Variants in SLC25A21 observed in about 807,000 individuals in gnomAD.
SLC25A21 encodes mitochondrial 2-oxodicarboxylate carrier.
In SLC25A21, 47 loss-of-function variants were observed where a neutral mutation model predicts 43.8. The ratio of observed to expected loss-of-function variants is 1.07; its 90% CI spans 0.85 to 1.37. The LOEUF (loss-of-function observed/expected upper bound fraction) is 1.37, where lower values mean the gene tolerates loss of function less well. Among genes scored for constraint, SLC25A21 ranks in the 40% most tolerant of loss-of-function variants. The pLI, the probability that SLC25A21 is intolerant of heterozygous loss-of-function variation, is 0.00. For missense variants in SLC25A21, 352 were observed against 350.2 expected (o/e 1.00, Z -0.04); for synonymous variants, 131 against 121.3 (o/e 1.08, Z -0.52).
intron 1 of SLC25A21, among the ~76,000 whole-genome samples, chr14:37,163,824 T>C (rs1027434144): frequency 1.3e-5 from 2 of 152,180 alleles, no homozygotes; most frequent in South Asian, 2.1e-4. Context: ...TACAGTATTG[T>C]TGTAAGTATT....
intron 1 of SLC25A21, among the ~76,000 whole-genome samples, chr14:37,055,968 G>T (rs1259849074): frequency 1.1e-4 from 16 of 152,030 alleles, no homozygotes; most frequent in Admixed American, 1.0e-3. Flanking sequence ...CATCAGGGTG[G>T]TTTTTAAAGG....
At chr14:37,052,275 T>C (rs1961724365) in intron 1 of SLC25A21, among the ~76,000 whole-genome samples, 1 of 152,160 alleles carries the variant, frequency 6.6e-6, no homozygotes. Context: ...GAGACAGTTA[T>C]AGAAGATTGA....
chr14:36,761,736 C>T (rs889084379), intron 3 of SLC25A21, among the ~76,000 whole-genome samples: 1 of 151,504 alleles, frequency 6.6e-6, no homozygotes, highest in South Asian at 2.1e-4. Flanking sequence ...TGGACTATTA[C>T]AGTATTTAGG....
At chr14:36,915,050 C>T (rs1338563742) in intron 1 of SLC25A21, among the ~76,000 whole-genome samples, 1 of 151,680 alleles carries the variant, frequency 6.6e-6, no homozygotes, top group Non-Finnish European at 1.5e-5. Context: ...TAAAAATGAT[C>T]ACAATGATGC....
At chr14:36,788,587 T>A (rs1853812) in intron 3 of SLC25A21, 23,729 of 146,916 alleles carry the variant, frequency 0.16, 2,161 homozygotes, top group Middle Eastern at 0.25. Flanking sequence ...TAGATCTGTG[T>A]GTGTTGAAAA....
intron 2 of SLC25A21, among the ~76,000 whole-genome samples, chr14:36,855,359 C>T (rs915684129): frequency 6.6e-6 from 1 of 152,082 alleles, no homozygotes; most frequent in Admixed American, 6.5e-5. Context: ...AAGTGGGAGG[C>T]AGCCTCAGGG....
intron 1 of SLC25A21, among the ~76,000 whole-genome samples, chr14:37,145,315 G>A (rs1187380745): frequency 6.6e-6 from 1 of 151,760 alleles, no homozygotes; most frequent in Non-Finnish European, 1.5e-5. Context: ...GCCCAGGCTG[G>A]AGTCAAACTC....
chr14:37,048,570 C>T (rs1378806052), intron 1 of SLC25A21, among the ~76,000 whole-genome samples: 5 of 152,162 alleles, frequency 3.3e-5, no homozygotes, highest in African/African-American at 1.2e-4. Flanking sequence ...ATGTAACTTG[C>T]CTATAACCTT....
intron 1 of SLC25A21, among the ~76,000 whole-genome samples, chr14:37,023,800 T>C (rs1961036848): frequency 1.3e-5 from 2 of 152,014 alleles, no homozygotes; most frequent in African/African-American, 4.8e-5. Flanking sequence ...CCCACCGCCA[T>C]CTGCCTCTCT....
chr14:36,821,926 C>T (rs989675428), intron 2 of SLC25A21, among the ~76,000 whole-genome samples: 2 of 152,134 alleles, frequency 1.3e-5, no homozygotes, highest in African/African-American at 2.4e-5. Flanking sequence ...GGCCTCTAAT[C>T]ATGTTCGAAG....
chr14:37,057,619 A>C (rs928258631), intron 1 of SLC25A21, among the ~76,000 whole-genome samples: 4 of 152,246 alleles, frequency 2.6e-5, no homozygotes, highest in Non-Finnish European at 5.9e-5. Flanking sequence ...TCTACTGAAT[A>C]TGTACAACTG....
At chr14:37,051,051 A>G (rs893279405) in intron 1 of SLC25A21, among the ~76,000 whole-genome samples, 2 of 152,206 alleles carry the variant, frequency 1.3e-5, no homozygotes, top group Non-Finnish European at 2.9e-5. Flanking sequence ...CCTTAGTGCT[A>G]TCTTAAATGA....
chr14:36,872,388 C>T (rs995291029), intron 2 of SLC25A21, among the ~76,000 whole-genome samples: 18 of 152,136 alleles, frequency 1.2e-4, no homozygotes, highest in African/African-American at 3.9e-4. Context: ...ATGATCAATA[C>T]TATTCCCTGG....
rs1235277329 is a variant in SLC25A21 at position 36,725,654 on chromosome 14, T to C, written c.354A>G (p.Gly118=). The C allele has an allele frequency of 6.3e-7, 1 of 1,597,312 alleles. No individual in the cohort carries two copies. Among genetic ancestry groups the C allele is most frequent in the East Asian group, 2.3e-5 (1 of 43,942 alleles). Reference sequence around the variant, plus strand: ...CTACAATGGCTTCTGTTAGTCCAGATCCCAATCCAGCAATGGCGAATGTCT... The same window carrying C: ...CTACAATGGCTTCTGTTAGTCCAGACCCCAATCCAGCAATGGCGAATGTCT... ...PALTFAIAGL[G]SGLTEAIVVN... Residue 118 remains glycine (G), a synonymous_variant, in exon 6 of 10, where the codon GGA becomes GGG. Transcript: ENST00000331299.
intron 9 of SLC25A21, among the ~76,000 whole-genome samples, chr14:36,682,990 G>A (rs1882351967): frequency 2.0e-5 from 3 of 152,150 alleles, no homozygotes; most frequent in South Asian, 2.1e-4. Flanking sequence ...GGACAATAGT[G>A]TTAAAAGGGA....
At chr14:37,080,310 C>T (rs992581025) in intron 1 of SLC25A21, among the ~76,000 whole-genome samples, 9 of 152,302 alleles carry the variant, frequency 5.9e-5, no homozygotes, top group Non-Finnish European at 8.8e-5. Flanking sequence ...TAACCACTCA[C>T]GGCCAAGAGC....
chr14:37,135,946 G>A (rs1489440923), intron 1 of SLC25A21, among the ~76,000 whole-genome samples: 1 of 152,144 alleles, frequency 6.6e-6, no homozygotes, highest in Non-Finnish European at 1.5e-5. Context: ...TATTATGATA[G>A]TAACTATTAT....
At chr14:36,846,396 T>A (rs978339151) in intron 2 of SLC25A21, among the ~76,000 whole-genome samples, 2 of 151,434 alleles carry the variant, frequency 1.3e-5, no homozygotes, top group Admixed American at 1.3e-4. Context: ...CAAGCCAGAC[T>A]TTTTTTTTCA....
At chr14:37,154,516 C>G (rs1963813441) in intron 1 of SLC25A21, among the ~76,000 whole-genome samples, 1 of 151,972 alleles carries the variant, frequency 6.6e-6, no homozygotes, top group African/African-American at 2.4e-5. Context: ...TCTCCAGTAA[C>G]AGTTCTTAAT....
Sources: gnomAD v4.1 joint callset for allele counts (sites outside exome capture counted in the v4.1 genomes callset) on GRCh38, gnomAD v4.1.1 for gene constraint, MANE v1.5 for transcripts, NCBI Gene and HGNC (gene_info 2026-07-23, HGNC 2026-07-21) for gene names.